Variants in FOXP4 observed in about 807,000 individuals in gnomAD.
FOXP4 encodes the protein forkhead box P4.
Under a neutral mutation model 82.6 loss-of-function variants are expected in FOXP4, and 25 were observed. The observed-to-expected ratio is 0.30, with a 90% CI of 0.22 to 0.42. FOXP4 has a LOEUF of 0.42. Ranked by LOEUF, FOXP4 falls within the 10% of genes least tolerant of loss-of-function variation. The pLI is 1.00. For synonymous variants in FOXP4, 415 were observed against 388.2 expected, an observed-to-expected ratio of 1.07 and a Z score of -0.81; for missense variants, 785 against 900.9, an observed-to-expected ratio of 0.87 and a Z score of 1.65.
intron 14 of FOXP4, among the ~76,000 whole-genome samples, chr6:41,595,341 TGCCACCCCCAGGGCACCC>T (rs1402979225): frequency 6.6e-6 from 1 of 151,956 alleles, no homozygotes; most frequent in Non-Finnish European, 1.5e-5. Flanking sequence ...GGTGAGGGGC[TGCCACCCCCAGGGCACCC>T]GCTCTCTCAG....
chr6:41,593,912 G>A lies in FOXP4; in HGVS notation c.1537-958G>A, dbSNP rs542379566. Among the ~76,000 whole-genome samples, 22 of 152,174 alleles carry A rather than the reference G, an allele frequency of 1.4e-4. No individual in the cohort carries two copies. Among genetic ancestry groups the A allele is most frequent in the Non-Finnish European group, 2.6e-4 (18 of 68,028 alleles). The stretch of plus-strand genomic sequence containing the variant: ...GTAAAGAGGAGACAAGGATGGGGAC[G>A]AGGCGGGGGAGGCTAAGGGAGGACA... On this transcript the variant is annotated intron_variant, in intron 13 of 16. Transcript: ENST00000307972. The surrounding 1 kb of genome is among the most constrained non-coding windows in gnomAD (Gnocchi z 4.1).
chr6:41,573,730 A>G (rs537002036), intron 2 of FOXP4, among the ~76,000 whole-genome samples: 54 of 152,278 alleles, frequency 3.5e-4, no homozygotes, highest in Non-Finnish European at 6.2e-4. Flanking sequence ...CCATGAAGAA[A>G]GTATGGGGTT....
intron 1 of FOXP4, among the ~76,000 whole-genome samples, chr6:41,565,327 T>G (rs529127150): frequency 6.6e-6 from 1 of 152,192 alleles, no homozygotes; most frequent in Non-Finnish European, 1.5e-5. Flanking sequence ...ACCACTGCAC[T>G]CTAGCCTGGG....
chr6:41,566,166 A>C (rs1443304925), intron 2 of FOXP4, among the ~76,000 whole-genome samples: 1 of 152,164 alleles, frequency 6.6e-6, no homozygotes, highest in East Asian at 1.9e-4. Context: ...CAGCATTTTC[A>C]AGAGATAGAA....
intron 3 of FOXP4, among the ~76,000 whole-genome samples, chr6:41,584,241 G>A (rs1291644008): frequency 3.9e-5 from 6 of 152,240 alleles, no homozygotes; most frequent in Non-Finnish European, 7.3e-5. Context: ...GCAGGTCCTC[G>A]TGCAAGGTGG....
chr6:41,597,696 T>C, intron 15 of FOXP4, 85 bp from the exon 16 acceptor site: 1 of 1,490,678 alleles, frequency 6.7e-7, no homozygotes, highest in South Asian at 1.2e-5. Flanking sequence ...GGCAGCTCTC[T>C]AGTGGGCGGG....
At chr6:41,556,274 G>A (rs995322311) in intron 1 of FOXP4, among the ~76,000 whole-genome samples, 7 of 152,030 alleles carry the variant, frequency 4.6e-5, no homozygotes, top group Admixed American at 2.6e-4. Flanking sequence ...ATTGCATGGG[G>A]GAGAGAGGAG....
chr6:41,553,534 C>T (rs1764114109), intron 1 of FOXP4, among the ~76,000 whole-genome samples: 1 of 152,192 alleles, frequency 6.6e-6, no homozygotes, highest in Non-Finnish European at 1.5e-5. Flanking sequence ...TGGGTACTGG[C>T]TGGGATTTGC....
chr6:41,575,441 A>G (rs1765426282), intron 2 of FOXP4, among the ~76,000 whole-genome samples: 1 of 150,940 alleles, frequency 6.6e-6, no homozygotes, highest in East Asian at 2.0e-4. Flanking sequence ...ATGAGAAGGA[A>G]TGGTGGGAAG....
chr6:41,570,602 A>G (rs1434050992), intron 2 of FOXP4, among the ~76,000 whole-genome samples: 2 of 152,120 alleles, frequency 1.3e-5, no homozygotes, highest in East Asian at 3.9e-4. Context: ...TCTTGGGACT[A>G]AAAGGAGCCA....
chr6:41,549,544 G>T (rs560604110), intron 1 of FOXP4, among the ~76,000 whole-genome samples: 40 of 152,214 alleles, frequency 2.6e-4, no homozygotes, highest in Non-Finnish European at 5.1e-4. Flanking sequence ...TTCCTTGGTG[G>T]GAGGGAAGCA....
At chr6:41,583,391 C>A (rs943911622) in intron 3 of FOXP4, among the ~76,000 whole-genome samples, 1 of 152,244 alleles carries the variant, frequency 6.6e-6, no homozygotes, top group Non-Finnish European at 1.5e-5. Context: ...TCCTCCCCTA[C>A]CCCACAGGTG....
chr6:41,588,555 C>T, intron 8 of FOXP4, 89 bp from the exon 9 acceptor site: 1 of 1,282,912 alleles, frequency 7.8e-7, no homozygotes, highest in Non-Finnish European at 1.1e-6. Flanking sequence ...GCTTTTCAGG[C>T]CATGGGTGGG....
rs746650068 is a variant in FOXP4, at chr6:41,565,822, G to A, written c.62G>A (p.Gly21Asp). 2 of 1,613,650 alleles carry A rather than the reference G, an allele frequency of 1.2e-6. No individual in the cohort carries two copies. Among genetic ancestry groups the A allele is most frequent in the Non-Finnish European group, 1.7e-6 (2 of 1,179,972 alleles). The part of the protein sequence containing the change: ...RSAPSGQNGV[G>D]SLSGQADGSS... ...GCTCCATCTGGTCAGAATGGCGTGG[G>A]CAGCCTCTCTGGGCAAGCCGATGGC... Residue 21 changes from glycine (G) to aspartate (D), a missense_variant, in exon 2 of 17, where the codon GGC becomes GAC. By Grantham distance (94) the Gly-to-Asp change is moderately conservative. This residue lies in a region of FOXP4 where 570 missense variants were observed against 634.0 expected (regional missense o/e 0.90). Coordinates refer to ENST00000307972, the MANE Select transcript of FOXP4 (RefSeq NM_001012426.2).
chr6:41,579,143 A>G (rs1296645616), intron 3 of FOXP4, among the ~76,000 whole-genome samples: 1 of 152,152 alleles, frequency 6.6e-6, no homozygotes, highest in African/African-American at 2.4e-5. Context: ...AAAAAGTTCA[A>G]GGTGCCCAAC....
At chr6:41,592,636 A>G (rs1300187949) in intron 13 of FOXP4, among the ~76,000 whole-genome samples, 2 of 152,182 alleles carry the variant, frequency 1.3e-5, no homozygotes. Context: ...AGGGGTAGTA[A>G]TATAGAGCCT....
At chr6:41,578,439 T>A (rs1765616199) in intron 3 of FOXP4, among the ~76,000 whole-genome samples, 1 of 152,012 alleles carries the variant, frequency 6.6e-6, no homozygotes, top group Non-Finnish European at 1.5e-5. Context: ...TGTCGGTCAC[T>A]CCCTCTGTCC....
chr6:41,565,666 A>T, intron 1 of FOXP4, 79 bp from the exon 2 acceptor site: 1 of 1,322,754 alleles, frequency 7.6e-7, no homozygotes, highest in Non-Finnish European at 1.0e-6. Flanking sequence ...GGCGATGGTT[A>T]TGTTTTTGGG....
chr6:41,577,171 C>A (rs1765535051), intron 2 of FOXP4, among the ~76,000 whole-genome samples: 1 of 152,162 alleles, frequency 6.6e-6, no homozygotes, highest in Non-Finnish European at 1.5e-5. Context: ...ACTCGTATGA[C>A]CCCTCTGGCT....
Sources: allele counts gnomAD v4.1 joint callset (sites outside exome capture counted in the v4.1 genomes callset), GRCh38; gene constraint gnomAD v4.1.1; regional missense constraint gnomAD v4.1.1; non-coding constraint Gnocchi (gnomAD v3.1); transcripts MANE v1.5; gene names NCBI Gene and HGNC (gene_info 2026-07-23, HGNC 2026-07-21).